A1CF: variants seen among roughly 807,000 people sequenced by gnomAD.
The protein encoded by A1CF is APOBEC1 complementation factor, also known as APOBEC-1 stimulating protein.
A1CF carries 48 observed loss-of-function variants against 68.9 expected under a neutral mutation model. That is an observed-to-expected ratio of 0.70 (90% CI 0.55 to 0.89). A1CF has a LOEUF of 0.89. Ranked by LOEUF, A1CF falls within the 40% of genes least tolerant of loss-of-function variation. The pLI, the probability that A1CF is intolerant of heterozygous loss-of-function variation, is 0.00. For synonymous variants in A1CF, 272 were observed against 260.4 expected, an observed-to-expected ratio of 1.04 and a Z score of -0.43; for missense variants, 653 against 718.9, an observed-to-expected ratio of 0.91 and a Z score of 1.05.
intron 2 of A1CF, chr10:50,862,941 C>T (rs749550647): frequency 2.0e-5 from 3 of 152,136 alleles, no homozygotes; most frequent in Non-Finnish European, 4.4e-5. Context: ...ATTTGTTCTT[C>T]GCTGAACTTC....
rs1285110147 is a variant in A1CF, at chr10:50,841,999, G to A, written c.235-7C>T. 4.4e-6 allele frequency: 7 copies of A among 1,603,212 alleles called. No homozygotes were observed. The highest frequency in any genetic ancestry group is 6.0e-6 in the Non-Finnish European group (7 of 1,172,298). On this transcript the variant is annotated splice_polypyrimidine_tract_variant and splice_region_variant and intron_variant, in intron 4 of 12. Coordinates refer to ENST00000373997, the MANE Select transcript of A1CF (RefSeq NM_014576.4). Reference sequence around the variant, plus strand: ...TTTCATAAATTTTACCGATCTGCAAGTAATAGAAATAGAACATTTATATTT... The same window carrying A: ...TTTCATAAATTTTACCGATCTGCAAATAATAGAAATAGAACATTTATATTT...
intron 7 of A1CF, chr10:50,824,302 A>C (rs1301674586): frequency 2.6e-5 from 4 of 152,160 alleles, no homozygotes; most frequent in Non-Finnish European, 5.9e-5. Flanking sequence ...GGGAAAGCTG[A>C]TAATCAGGGA....
At chr10:50,872,691 T>C (rs1394769486) in intron 1 of A1CF, among the ~76,000 whole-genome samples, 3 of 152,130 alleles carry the variant, frequency 2.0e-5, no homozygotes, top group Admixed American at 6.5e-5. Flanking sequence ...TTTGCCGGAA[T>C]GAAAGTGAGC....
At chr10:50,883,701 C>G (rs1296936894) in intron 1 of A1CF, among the ~76,000 whole-genome samples, 1 of 152,092 alleles carries the variant, frequency 6.6e-6, no homozygotes, top group Non-Finnish European at 1.5e-5. Context: ...AAATTAAGCC[C>G]AGGAAACAAA....
At chr10:50,817,600 A>AC (rs1838432066) in intron 8 of A1CF, among the ~76,000 whole-genome samples, 1 of 152,186 alleles carries the variant, frequency 6.6e-6, no homozygotes, top group Non-Finnish European at 1.5e-5. Flanking sequence ...GAAAAAGTAG[A>AC]CCTGGCATAC....
chr10:50,828,343 A>G, intron 6 of A1CF, 48 bp from the exon 7 acceptor site: 1 of 1,403,292 alleles, frequency 7.1e-7, no homozygotes, highest in Non-Finnish European at 9.5e-7. Context: ...GAATCAGGAC[A>G]ACATCATCTC....
At chr10:50,873,224 G>A (rs560979059) in intron 1 of A1CF, among the ~76,000 whole-genome samples, 4 of 152,102 alleles carry the variant, frequency 2.6e-5, no homozygotes, top group African/African-American at 4.8e-5. Context: ...CCAAAATGCT[G>A]GGATTATAGG....
At position 50,820,642 on chromosome 10, in the gene A1CF, C is replaced by T; in HGVS notation, c.777G>A (p.Val259=). 2 of 1,612,948 alleles carry T rather than the reference C, an allele frequency of 1.2e-6. No individual in the cohort carries two copies. The highest frequency in any genetic ancestry group is 1.7e-6 in the Non-Finnish European group (2 of 1,179,496). ...AGTCTCGAATTTTCTTCACCCTCTC[C>T]ACAGCACCTGTAAAATAGAGTGAAG... ...KEFNNIKPGA[V]ERVKKIRDYA... is the part of the protein sequence containing the mutation. Residue 259 remains valine (V), a synonymous_variant, in exon 8 of 13, where the codon GTG becomes GTA. Transcript: ENST00000373997.
intron 1 of A1CF, among the ~76,000 whole-genome samples, chr10:50,867,008 C>T (rs1236995827): frequency 6.6e-6 from 1 of 151,010 alleles, no homozygotes; most frequent in Non-Finnish European, 1.5e-5. Flanking sequence ...ATCCAACATG[C>T]CTGGCCTGTT....
At position 50,859,912 on chromosome 10, in the gene A1CF, C is replaced by G. The variant is rs1840665554; in HGVS notation, c.29G>C (p.Gly10Ala). The stretch of plus-strand genomic sequence containing the variant: ...TGCTTCCTTCTGAGTGCCGCTCAAT[C>G]CATCCCCGGATTTGTGATTTGATTC... MESNHKSGDGLSGTQKEAAL... is the reference protein window; with the variant it reads MESNHKSGDALSGTQKEAAL... Residue 10 changes from glycine (G) to alanine (A), a missense_variant, in exon 3 of 13, where the codon GGA (glycine) becomes GCA (alanine). Transcript: ENST00000373997. The G allele has an allele frequency of 6.2e-7, 1 of 1,613,856 alleles. No individual in the cohort carries two copies. Among genetic ancestry groups the G allele is most frequent in the African/African-American group, 1.3e-5 (1 of 74,892 alleles).
chr10:50,881,146 T>A (rs1409813289), intron 1 of A1CF, among the ~76,000 whole-genome samples: 1 of 152,092 alleles, frequency 6.6e-6, no homozygotes, highest in Middle Eastern at 3.2e-3. Flanking sequence ...CCCACCACCA[T>A]GCCTGGCTAA....
At chr10:50,843,095 G>T (rs189784501) in intron 4 of A1CF, among the ~76,000 whole-genome samples, 2 of 152,306 alleles carry the variant, frequency 1.3e-5, no homozygotes, top group East Asian at 3.8e-4. Context: ...GCCATTTGTG[G>T]TTGGTCACTT....
At chr10:50,815,427 A>G (rs1838317465) in intron 9 of A1CF, among the ~76,000 whole-genome samples, 1 of 152,156 alleles carries the variant, frequency 6.6e-6, no homozygotes, top group Admixed American at 6.6e-5. Flanking sequence ...TGTATTAAAG[A>G]AATATAGTAA....
chr10:50,806,668 A>C lies in A1CF; in HGVS notation c.*61T>G. On this transcript the variant is annotated 3_prime_UTR_variant, in exon 13 of 13. Coordinates refer to ENST00000373997, the MANE Select transcript of A1CF (RefSeq NM_014576.4). ...TCATTGGGGACCGAGTTAGAGGTTTATTTCTTTTTTTTTTTTAATAGAGTT... is the reference window on the plus strand; with the variant it reads ...TCATTGGGGACCGAGTTAGAGGTTTCTTTCTTTTTTTTTTTTAATAGAGTT... The C allele has an allele frequency of 5.6e-6, 8 of 1,416,472 alleles. No homozygotes were observed. The highest frequency in any genetic ancestry group is 7.6e-6 in the Non-Finnish European group (8 of 1,050,756). 87.7% of individuals were successfully genotyped at this position (1,416,472 alleles called of 1,614,324 possible).
At position 50,814,047 on chromosome 10, in the gene A1CF, A is replaced by G; in HGVS notation, c.1142-9T>C. 1 of 1,613,042 alleles carries G rather than the reference A, an allele frequency of 6.2e-7. No individual in the cohort carries two copies. The highest frequency in any genetic ancestry group is 1.3e-5 in the African/African-American group (1 of 74,990). ...TCTCACTCCCGCAGCCCCTACAGGT[A>G]CATTCATGTAAATTTCTAGGAACGT... is the stretch of plus-strand genomic sequence containing the variant. On this transcript the variant is annotated splice_polypyrimidine_tract_variant and intron_variant, in intron 9 of 12. Transcript: ENST00000373997.
At position 50,814,017 on chromosome 10, in the gene A1CF, A is replaced by G. The variant is rs1838250208; in HGVS notation, c.1163T>C (p.Leu388Pro). 1 of 1,613,546 alleles carries G rather than the reference A, an allele frequency of 6.2e-7. No individual in the cohort carries two copies. Among genetic ancestry groups the G allele is most frequent in the Non-Finnish European group, 8.5e-7 (1 of 1,179,812 alleles). ...SVRGAAGVRG[L>P]GGRGYLAYTG... The stretch of plus-strand genomic sequence containing the variant: ...GTATGCCAAATAGCCACGGCCGCCC[A>G]GTCCTCTCACTCCCGCAGCCCCTAC... The change falls in exon 10 of 13, where the codon CTG (leucine) becomes CCG (proline). Residue 388 changes from leucine to proline, a missense_variant. Leu to Pro is a moderately conservative substitution (Grantham distance 98). Transcript: ENST00000373997.
chr10:50,812,298 G>T (rs1179962427), intron 10 of A1CF, among the ~76,000 whole-genome samples: 1 of 152,154 alleles, frequency 6.6e-6, no homozygotes, highest in Non-Finnish European at 1.5e-5. Context: ...TCTGCTTCTG[G>T]CTGGAAGTTC....
chr10:50,862,094 A>G (rs1840773636), intron 2 of A1CF, among the ~76,000 whole-genome samples: 1 of 152,022 alleles, frequency 6.6e-6, no homozygotes, highest in South Asian at 2.1e-4. Flanking sequence ...GGCCAGGTGC[A>G]GTGGCTCTGG....
At chr10:50,848,727 A>G (rs1325157331) in intron 3 of A1CF, among the ~76,000 whole-genome samples, 1 of 152,148 alleles carries the variant, frequency 6.6e-6, no homozygotes, top group Non-Finnish European at 1.5e-5. Context: ...TTTCATAACT[A>G]AACTTGTTTC....
Sources: allele counts gnomAD v4.1 joint callset (sites outside exome capture counted in the v4.1 genomes callset), GRCh38; gene constraint gnomAD v4.1.1; transcripts MANE v1.5; gene names NCBI Gene and HGNC (gene_info 2026-07-23, HGNC 2026-07-21).